Variants in GRID1 observed in about 807,000 individuals in gnomAD.
GRID1 encodes glutamate ionotropic receptor delta type subunit 1, also known as glutamate receptor ionotropic, delta-1.
A neutral mutation model predicts 98.0 loss-of-function variants in GRID1; 28 were observed. The ratio of observed to expected loss-of-function variants is 0.29; its 90% CI spans 0.21 to 0.39. The LOEUF is 0.39. Among genes scored for constraint, GRID1 ranks in the 10% least tolerant of loss-of-function variants. GRID1 has a pLI of 1.00. For synonymous variants in GRID1, 553 were observed against 538.5 expected (o/e 1.03, Z -0.37); for missense variants, 1,111 against 1,340.5 (o/e 0.83, Z 2.67).
chr10:86,233,396 A>G (rs1846486414), intron 2 of GRID1, among the ~76,000 whole-genome samples: 1 of 152,146 alleles, frequency 6.6e-6, no homozygotes, highest in Non-Finnish European at 1.5e-5. Context: ...CTGTTCCCTG[A>G]TGGAGTCGCA....
At chr10:85,677,861 T>C (rs542452126) in intron 12 of GRID1, among the ~76,000 whole-genome samples, 1 of 152,188 alleles carries the variant, frequency 6.6e-6, no homozygotes, top group African/African-American at 2.4e-5. Flanking sequence ...ACACGCTCCA[T>C]TTTGTAGCCT....
At chr10:86,184,895 A>C (rs1237051236) in intron 3 of GRID1, among the ~76,000 whole-genome samples, 1 of 152,180 alleles carries the variant, frequency 6.6e-6, no homozygotes, top group African/African-American at 2.4e-5. Context: ...AGTGAAATCG[A>C]AATTGAAGTC....
intron 8 of GRID1, among the ~76,000 whole-genome samples, chr10:85,852,054 T>G (rs1019675330): frequency 1.3e-5 from 2 of 152,076 alleles, no homozygotes; most frequent in Non-Finnish European, 2.9e-5. Flanking sequence ...TTGGTTCATC[T>G]GAAACTCCCT....
chr10:86,080,426 G>C (rs1194231925), intron 4 of GRID1, among the ~76,000 whole-genome samples: 22 of 18,352 alleles, frequency 1.2e-3, no homozygotes, highest in African/African-American at 7.7e-3. Flanking sequence ...GGGGAGGGGA[G>C]GGGAGGGGAG....
chr10:86,159,615 C>T (rs1008810855), intron 3 of GRID1, among the ~76,000 whole-genome samples: 3 of 152,202 alleles, frequency 2.0e-5, no homozygotes, highest in Non-Finnish European at 4.4e-5. Flanking sequence ...CAATGCACAA[C>T]TATATTTCTG....
intron 4 of GRID1, among the ~76,000 whole-genome samples, chr10:86,108,032 T>G (rs1844419163): frequency 6.6e-6 from 1 of 152,176 alleles, no homozygotes; most frequent in African/African-American, 2.4e-5. Context: ...GTAGAGGGTC[T>G]AATTGAGCTG....
chr10:85,842,728 G>A (rs537273768), intron 8 of GRID1, among the ~76,000 whole-genome samples: 43 of 152,038 alleles, frequency 2.8e-4, no homozygotes, highest in Admixed American at 3.9e-4. Context: ...CCCAATAACC[G>A]TTAGAGAAAT....
At chr10:85,998,161 T>C (rs901166453) in intron 4 of GRID1, among the ~76,000 whole-genome samples, 4 of 152,182 alleles carry the variant, frequency 2.6e-5, no homozygotes, top group Non-Finnish European at 5.9e-5. Context: ...TATTGACATT[T>C]ATAGAATACT....
chr10:85,717,276 GT>G (rs905029460), intron 12 of GRID1, among the ~76,000 whole-genome samples: 1 of 151,710 alleles, frequency 6.6e-6, no homozygotes, highest in African/African-American at 2.4e-5. Context: ...GTCTGTATTA[GT>G]TTGTTTTCAT....
rs116720336 is a variant in GRID1 at position 86,208,833 on chromosome 10, A to G, written c.236-2185T>C. On this transcript the variant is annotated intron_variant, in intron 2 of 15. Transcript: ENST00000327946. The stretch of plus-strand genomic sequence containing the variant: ...ACCATGCAAGAATTTCCATGGCCCC[A>G]GTCAATAATTCCTCTCTGGGTACCT... 2.8e-3 allele frequency among the ~76,000 whole-genome samples: 424 copies of G among 152,342 alleles called. 3 individuals carry two copies. The highest frequency in any genetic ancestry group is 9.7e-3 in the African/African-American group (402 of 41,566).
chr10:85,750,232 A>T lies in GRID1; in HGVS notation c.1234-20618T>A, dbSNP rs978346094. Among the ~76,000 whole-genome samples the T allele has an allele frequency of 9.5e-5, 13 of 137,102 alleles. No individual in the cohort carries two copies. The Admixed American group carries it at 9.5e-4, about 10-fold the overall frequency. 89.9% of individuals were successfully genotyped at this position (137,102 alleles called of 152,430 possible). On this transcript the variant is annotated intron_variant, in intron 8 of 15. Transcript: ENST00000327946. Reference sequence around the variant, plus strand: ...TGTAGATCTGGAAGAATCTTAATACATGATCATACAGCGCTCTCCCTCAAC... The same window carrying T: ...TGTAGATCTGGAAGAATCTTAATACTTGATCATACAGCGCTCTCCCTCAAC...
At chr10:86,338,527 C>G (rs1848262018) in intron 2 of GRID1, among the ~76,000 whole-genome samples, 1 of 152,168 alleles carries the variant, frequency 6.6e-6, no homozygotes, top group Non-Finnish European at 1.5e-5. Flanking sequence ...ATTTGGGAAA[C>G]TTGCTGGTCC....
intron 4 of GRID1, among the ~76,000 whole-genome samples, chr10:86,000,048 A>G (rs1442481531): frequency 6.6e-6 from 1 of 152,236 alleles, no homozygotes; most frequent in Admixed American, 6.5e-5. Context: ...CCTATTCACA[A>G]CCAACAATAA....
At chr10:85,897,416 C>T (rs75625702) in intron 5 of GRID1, among the ~76,000 whole-genome samples, 2,564 of 152,286 alleles carry the variant, frequency 0.017, 30 homozygotes, top group Middle Eastern at 0.041. Flanking sequence ...CAGGAAACCT[C>T]CAGGGAAGAT....
At chr10:86,081,357 A>G (rs1024837395) in intron 4 of GRID1, among the ~76,000 whole-genome samples, 4 of 152,170 alleles carry the variant, frequency 2.6e-5, no homozygotes, top group African/African-American at 9.7e-5. Flanking sequence ...TGACAATGCA[A>G]GAATTCCACC....
chr10:86,099,653 A>G (rs7069024), intron 4 of GRID1, among the ~76,000 whole-genome samples: 1 of 152,140 alleles, frequency 6.6e-6, no homozygotes, highest in Non-Finnish European at 1.5e-5. Context: ...CATCCCATCC[A>G]TCAAGCCCTC....
At chr10:85,609,087 C>A (rs1326559109) in intron 15 of GRID1, among the ~76,000 whole-genome samples, 1 of 152,168 alleles carries the variant, frequency 6.6e-6, no homozygotes, top group African/African-American at 2.4e-5. Context: ...TGCACATACC[C>A]AGAGGAAAGG....
At chr10:85,633,065 T>A (rs1842993756) in intron 13 of GRID1, among the ~76,000 whole-genome samples, 1 of 152,210 alleles carries the variant, frequency 6.6e-6, no homozygotes, top group Admixed American at 6.5e-5. Context: ...TTGTTCCTTT[T>A]TATGGCTGTA....
chr10:85,762,252 A>G (rs1045510278), intron 8 of GRID1, among the ~76,000 whole-genome samples: 1 of 152,246 alleles, frequency 6.6e-6, no homozygotes, highest in Non-Finnish European at 1.5e-5. Context: ...TGACATAATT[A>G]CTTTTCCAAA....
Sources: allele counts gnomAD v4.1 joint callset (sites outside exome capture counted in the v4.1 genomes callset), GRCh38; gene constraint gnomAD v4.1.1; transcripts MANE v1.5; gene names NCBI Gene and HGNC (gene_info 2026-07-23, HGNC 2026-07-21).